Variants in CACNB2 observed in about 807,000 individuals in gnomAD.
CACNB2 encodes the protein calcium voltage-gated channel auxiliary subunit beta 2, also known as voltage-dependent L-type calcium channel subunit beta-2.
A neutral mutation model predicts 73.3 loss-of-function variants in CACNB2; 42 were observed. That is an observed-to-expected ratio of 0.57 (90% CI 0.45 to 0.74). CACNB2 has a LOEUF of 0.74. Among genes scored for constraint, CACNB2 ranks in the 30% least tolerant of loss-of-function variants. The pLI is 0.00. For missense variants in CACNB2, 940 were observed against 853.0 expected (o/e 1.10, Z -1.27); for synonymous variants, 348 against 310.3 (o/e 1.12, Z -1.28).
chr10:18,533,461 C>A (rs1485150364), intron 10 of CACNB2: 1 of 152,740 alleles, frequency 6.5e-6, no homozygotes, highest in Admixed American at 6.5e-5. Flanking sequence ...TGATAAGTTT[C>A]TATAAATTTT....
intron 2 of CACNB2, among the ~76,000 whole-genome samples, chr10:18,334,965 T>A (rs1043471161): frequency 2.0e-5 from 3 of 152,070 alleles, no homozygotes; most frequent in African/African-American, 7.2e-5. Flanking sequence ...TTTCTGGTAC[T>A]CAACAATGAA....
Position 18,481,130 on chromosome 10 carries a change from C to T in CACNB2, c.334-17225C>T, listed in dbSNP as rs11014442. Among the ~76,000 whole-genome samples, 1,741 of 140,570 alleles carry T rather than the reference C, an allele frequency of 0.012. 216 individuals are homozygous for T. The East Asian group carries it at 0.3, about 24-fold the overall frequency. The allele number at this position is 140,570 out of a possible 152,430, so 92.2% of individuals were successfully genotyped here. A position where few individuals can be genotyped will look rare whatever the true frequency, so the allele number is the denominator to read the frequency against. ...TTGTGTGCACAAAGCACTGGGCAGA[C>T]ACACCCAGTGCAGAAAATCTTTGAC... On this transcript the variant is annotated intron_variant, in intron 3 of 13. Coordinates refer to ENST00000324631, the MANE Select transcript of CACNB2 (RefSeq NM_201596.3).
chr10:18,393,667 G>C (rs1447449724), intron 2 of CACNB2, among the ~76,000 whole-genome samples: 1 of 152,226 alleles, frequency 6.6e-6, no homozygotes, highest in Admixed American at 6.5e-5. Flanking sequence ...CTGCCGACCA[G>C]TCTACTGAAG....
chr10:18,409,142 C>CA (rs897915281), intron 3 of CACNB2, among the ~76,000 whole-genome samples: 6 of 151,630 alleles, frequency 4.0e-5, no homozygotes, highest in Non-Finnish European at 5.9e-5. Flanking sequence ...ACTAAAAATA[C>CA]AAAAAAAATA....
chr10:18,250,353 T>A (rs1295497594), intron 2 of CACNB2, among the ~76,000 whole-genome samples: 2 of 152,228 alleles, frequency 1.3e-5, no homozygotes, highest in Non-Finnish European at 2.9e-5. Flanking sequence ...ACGGGCTTCA[T>A]CCATAGGCAA....
chr10:18,270,650 A>G (rs2038012674), intron 2 of CACNB2, among the ~76,000 whole-genome samples: 1 of 152,022 alleles, frequency 6.6e-6, no homozygotes, highest in Non-Finnish European at 1.5e-5. Flanking sequence ...AATTTCATAC[A>G]GTTTCCTAAC....
At chr10:18,299,640 G>T (rs1394280315) in intron 2 of CACNB2, among the ~76,000 whole-genome samples, 1 of 152,148 alleles carries the variant, frequency 6.6e-6, no homozygotes, top group Non-Finnish European at 1.5e-5. Context: ...GAGCCTGGGA[G>T]GTTGAGGCTG....
intron 2 of CACNB2, among the ~76,000 whole-genome samples, chr10:18,290,179 C>T (rs1237678071): frequency 7.1e-6 from 1 of 140,478 alleles, no homozygotes; most frequent in Non-Finnish European, 1.5e-5. Context: ...AAGCGCGCGC[C>T]ACCATGCCTG....
At position 18,416,632 on chromosome 10, in the gene CACNB2, G is replaced by T. The variant is rs186102662; in HGVS notation, c.333+14589G>T. 1.9e-3 allele frequency among the ~76,000 whole-genome samples: 289 copies of T among 152,240 alleles called. 1 individual carries two copies. The highest frequency in any genetic ancestry group is 6.3e-3 in the African/African-American group (261 of 41,546). ...TTGCCATATTGGCCAGAGTGGTCTT[G>T]AACCCCTGACCTCAGGTGATCCACC... is the stretch of plus-strand genomic sequence containing the variant. On this transcript the variant is annotated intron_variant, in intron 3 of 13. Coordinates refer to ENST00000324631, the MANE Select transcript of CACNB2 (RefSeq NM_201596.3).
chr10:18,304,746 C>T (rs944604351), intron 2 of CACNB2, among the ~76,000 whole-genome samples: 13 of 152,146 alleles, frequency 8.5e-5, no homozygotes, highest in Non-Finnish European at 4.4e-5. Context: ...AATGTTAGCT[C>T]GATGCTATTA....
At chr10:18,167,308 G>A (rs1310128321) in intron 2 of CACNB2, among the ~76,000 whole-genome samples, 1 of 152,174 alleles carries the variant, frequency 6.6e-6, no homozygotes, top group African/African-American at 2.4e-5. Flanking sequence ...AAAGGGGGAA[G>A]GGTGAGAGGG....
At chr10:18,239,440 G>T (rs764338310) in intron 2 of CACNB2, among the ~76,000 whole-genome samples, 32 of 152,088 alleles carry the variant, frequency 2.1e-4, no homozygotes, top group Admixed American at 7.9e-4. Context: ...ATGGCCTCCA[G>T]TTCCATCCAT....
chr10:18,172,487 G>GT (rs563338411), intron 2 of CACNB2, among the ~76,000 whole-genome samples: 35 of 152,192 alleles, frequency 2.3e-4, no homozygotes, highest in African/African-American at 5.8e-4. Context: ...TCCACGCATT[G>GT]TTTTTTTGTA....
At chr10:18,312,995 A>G (rs1448513255) in intron 2 of CACNB2, among the ~76,000 whole-genome samples, 1 of 152,186 alleles carries the variant, frequency 6.6e-6, no homozygotes, top group African/African-American at 2.4e-5. Context: ...TAGCACTGAC[A>G]TCATATGGTT....
At chr10:18,488,846 C>T (rs985071321) in intron 3 of CACNB2, among the ~76,000 whole-genome samples, 4 of 151,366 alleles carry the variant, frequency 2.6e-5, no homozygotes, top group African/African-American at 4.9e-5. Flanking sequence ...ATTTTAGCAC[C>T]AGCTCTAACG....
chr10:18,262,208 G>A (rs544376985), intron 2 of CACNB2, among the ~76,000 whole-genome samples: 12 of 151,700 alleles, frequency 7.9e-5, no homozygotes, highest in Admixed American at 3.3e-4. Flanking sequence ...AAAGAAACCC[G>A]TGACCTTGGA....
At chr10:18,420,165 T>A (rs559727126) in intron 3 of CACNB2, among the ~76,000 whole-genome samples, 1 of 152,264 alleles carries the variant, frequency 6.6e-6, no homozygotes, top group Non-Finnish European at 1.5e-5. Context: ...AGCCAAAACT[T>A]GAATGTTTCA....
In CACNB2 at chr10:18,394,303, G is replaced by A. The variant is rs532198236; in HGVS notation, c.214-7621G>A. The stretch of plus-strand genomic sequence containing the variant: ...TGTGTGAGAGAGAGCAAGCGAGCGT[G>A]CCTAAAGCTTAGCAAAGACATAGCT... On this transcript the variant is annotated intron_variant, in intron 2 of 13. Transcript: ENST00000324631. 3.3e-5 allele frequency among the ~76,000 whole-genome samples: 5 copies of A among 152,236 alleles called. No homozygotes were observed. In the South Asian group the frequency reaches 1.0e-3, roughly 32 times the overall value.
chr10:18,504,140 G>C (rs79190343), intron 5 of CACNB2, among the ~76,000 whole-genome samples: 3,216 of 152,298 alleles, frequency 0.021, 52 homozygotes, highest in Non-Finnish European at 0.036. Context: ...AAATGGGCTT[G>C]CCTAGGCTAA....
Sources: allele counts gnomAD v4.1 joint callset (sites outside exome capture counted in the v4.1 genomes callset), GRCh38; gene constraint gnomAD v4.1.1; transcripts MANE v1.5; gene names NCBI Gene and HGNC (gene_info 2026-07-23, HGNC 2026-07-21).